DPF3: variants seen among roughly 807,000 people sequenced by gnomAD.
DPF3 encodes the protein zinc finger protein DPF3.
Under a neutral mutation model 56.8 loss-of-function variants are expected in DPF3, and 18 were observed. That is an observed-to-expected ratio of 0.32 (90% CI 0.22 to 0.47). The LOEUF (loss-of-function observed/expected upper bound fraction) is 0.47. Ranked by LOEUF, DPF3 falls within the 20% of genes least tolerant of loss-of-function variation. The pLI, the probability that DPF3 is intolerant of heterozygous loss-of-function variation, is 1.00. For missense variants in DPF3, 403 were observed against 488.8 expected (o/e 0.82, Z 1.65); for synonymous variants, 188 against 180.2 (o/e 1.04, Z -0.35).
chr14:72,671,060 A>T (rs969231786), intron 8 of DPF3: 140 of 1,528,572 alleles, frequency 9.2e-5, no homozygotes, highest in Middle Eastern at 3.6e-4. Context: ...CATTAAAAAA[A>T]ATATATATCA....
chr14:72,697,665 T>C (rs1887963132), intron 6 of DPF3, among the ~76,000 whole-genome samples: 1 of 152,124 alleles, frequency 6.6e-6, no homozygotes, highest in African/African-American at 2.4e-5. Context: ...CAGACTGACA[T>C]GTTAGAAATA....
chr14:72,686,799 A>C (rs1482777986), intron 7 of DPF3, among the ~76,000 whole-genome samples: 1 of 152,178 alleles, frequency 6.6e-6, no homozygotes, highest in African/African-American at 2.4e-5. Flanking sequence ...CAAAGGCTGG[A>C]TTTCTGGTGT....
chr14:72,685,116 G>T (rs918724708), intron 7 of DPF3, among the ~76,000 whole-genome samples: 19 of 152,280 alleles, frequency 1.2e-4, no homozygotes, highest in African/African-American at 4.6e-4. Context: ...ATGGAATTTT[G>T]TTAAGACAGT....
intron 1 of DPF3, among the ~76,000 whole-genome samples, chr14:72,821,846 A>AT (rs11381807): frequency 0.96 from 144,849 of 150,620 alleles, 69,683 homozygotes; most frequent in East Asian, 1. Context: ...TCTCCACTAA[A>AT]TTTTTTTTTT....
intron 8 of DPF3, among the ~76,000 whole-genome samples, chr14:72,636,156 C>T (rs1489726725): frequency 6.6e-6 from 1 of 152,042 alleles, no homozygotes; most frequent in Admixed American, 6.6e-5. Flanking sequence ...CAATTCCAAC[C>T]CAAAATAGCG....
intron 8 of DPF3, among the ~76,000 whole-genome samples, chr14:72,673,243 C>A (rs148124886): frequency 6.8e-4 from 103 of 152,306 alleles, no homozygotes; most frequent in African/African-American, 2.5e-3. Flanking sequence ...ATGATGGGGT[C>A]ATCTCAGTTC....
intron 1 of DPF3, among the ~76,000 whole-genome samples, chr14:72,850,078 C>T (rs992452322): frequency 1.3e-5 from 2 of 152,028 alleles, no homozygotes; most frequent in African/African-American, 4.8e-5. Flanking sequence ...GAGATCATAC[C>T]ACTGCACTCC....
rs1883841744 is a variant in DPF3 at position 72,612,995 on chromosome 14, T to TGTGTGTGC, written c.*6301_*6302insGCACACAC. 2.6e-5 allele frequency among the ~76,000 whole-genome samples: 1 copy of TGTGTGTGC among 38,254 alleles called. No individual in the cohort carries two copies. The highest frequency in any genetic ancestry group is 8.6e-5 in the African/African-American group (1 of 11,576). 25.1% of individuals were successfully genotyped at this position (38,254 alleles called of 152,430 possible). A position where few individuals can be genotyped will look rare whatever the true frequency, so the allele number is the denominator to read the frequency against. Reference sequence around the variant, plus strand: ...TCCCTTTGGTTCATTAAGTAGGGCGTGTGTGTGTGTGTGTGTGTGTGTGTG... The same window carrying TGTGTGTGC: ...TCCCTTTGGTTCATTAAGTAGGGCGTGTGTGTGCGTGTGTGTGTGTGTGTGTGTGTGTG... On this transcript the variant is annotated 3_prime_UTR_variant, in exon 11 of 11. Coordinates refer to ENST00000556509, the MANE Select transcript of DPF3 (RefSeq NM_001280542.3).
intron 1 of DPF3, among the ~76,000 whole-genome samples, chr14:72,823,475 G>A (rs145342193): frequency 1.3e-4 from 20 of 152,314 alleles, no homozygotes; most frequent in African/African-American, 4.8e-4. Context: ...CATCCAGAGA[G>A]ACTCCAGGCT....
chr14:72,879,979 C>T, intron 1 of DPF3: 1 of 1,465,966 alleles, frequency 6.8e-7, no homozygotes, highest in Non-Finnish European at 9.0e-7. Flanking sequence ...GAAAAAGAAA[C>T]ACCCATCAAG....
At chr14:72,727,305 C>T (rs1281672576) in intron 4 of DPF3, among the ~76,000 whole-genome samples, 3 of 152,226 alleles carry the variant, frequency 2.0e-5, no homozygotes, top group South Asian at 2.1e-4. Flanking sequence ...CGACCAGATG[C>T]GGTGGCTCAC....
intron 8 of DPF3, among the ~76,000 whole-genome samples, chr14:72,644,514 G>A (rs894262425): frequency 2.0e-5 from 3 of 152,218 alleles, no homozygotes; most frequent in Non-Finnish European, 2.9e-5. Context: ...AAATTAGAGA[G>A]TTGGAATAGT....
chr14:72,775,506 G>T (rs949885552), intron 1 of DPF3, among the ~76,000 whole-genome samples: 1 of 152,204 alleles, frequency 6.6e-6, no homozygotes, highest in South Asian at 2.1e-4. Context: ...CACACTGGGC[G>T]AAAATTAATT....
intron 1 of DPF3, among the ~76,000 whole-genome samples, chr14:72,872,266 G>A (rs2140112757): frequency 6.6e-6 from 1 of 152,272 alleles, no homozygotes; most frequent in South Asian, 2.1e-4. Flanking sequence ...CCTGTGATGG[G>A]AGGGGCTGCC....
At chr14:72,642,273 G>C (rs1398603988) in intron 8 of DPF3, among the ~76,000 whole-genome samples, 1 of 152,220 alleles carries the variant, frequency 6.6e-6, no homozygotes. Flanking sequence ...CAAGTTGGGG[G>C]ATAATTTGTT....
At chr14:72,694,413 A>G (rs1023326424) in intron 6 of DPF3, among the ~76,000 whole-genome samples, 3 of 152,350 alleles carry the variant, frequency 2.0e-5, no homozygotes, top group Admixed American at 1.3e-4. Context: ...AATGCTTCAC[A>G]AGGTGGGAAG....
At chr14:72,665,971 T>C (rs755050852) in intron 8 of DPF3, among the ~76,000 whole-genome samples, 21 of 152,248 alleles carry the variant, frequency 1.4e-4, no homozygotes, top group Non-Finnish European at 2.5e-4. Flanking sequence ...GAAAACCTAA[T>C]TGCCAATGTT....
chr14:72,861,765 A>AAGAG (rs1567261185), intron 1 of DPF3, among the ~76,000 whole-genome samples: 1 of 148,802 alleles, frequency 6.7e-6, no homozygotes, highest in African/African-American at 2.6e-5. Flanking sequence ...GAAAGAAAGA[A>AAGAG]AGAAAGAAAG....
chr14:72,856,060 T>C (rs1228063958), intron 1 of DPF3, among the ~76,000 whole-genome samples: 1 of 152,254 alleles, frequency 6.6e-6, no homozygotes, highest in East Asian at 1.9e-4. Flanking sequence ...AACATTTCTG[T>C]GGCCTGGCCT....
Sources: allele counts gnomAD v4.1 joint callset (sites outside exome capture counted in the v4.1 genomes callset), GRCh38; gene constraint gnomAD v4.1.1; transcripts MANE v1.5; gene names NCBI Gene and HGNC (gene_info 2026-07-23, HGNC 2026-07-21).